Variants in NBAS observed in about 807,000 individuals in gnomAD.
NBAS encodes the protein NAG/BC035112 fusion.
NBAS carries 219 observed loss-of-function variants against 302.5 expected under a neutral mutation model. The ratio of observed to expected loss-of-function variants is 0.72; its 90% CI spans 0.65 to 0.81. The LOEUF (loss-of-function observed/expected upper bound fraction) is 0.81, where lower values mean the gene tolerates loss of function less well. Among genes scored for constraint, NBAS ranks in the 30% least tolerant of loss-of-function variants. The probability of loss-of-function intolerance (pLI) is 0.00; values close to 1 mark genes in which losing one functional copy is unlikely to be tolerated. For synonymous variants in NBAS, 1,118 were observed against 1,021.6 expected (o/e 1.09, Z -1.80); for missense variants, 2,932 against 2,841.6 (o/e 1.03, Z -0.72).
chr2:15,083,082 G>A, the NBAS span, among the ~76,000 whole-genome samples: 4 of 152,232 alleles, frequency 2.6e-5, no homozygotes, highest in Non-Finnish European at 4.4e-5. Flanking sequence ...TAGGAGGAAA[G>A]CAGCTATGTG....
intron 2 of NBAS, 131 bp downstream of exon 2, chr2:15,558,449 T>C: frequency 1.5e-6 from 1 of 662,636 alleles, no homozygotes; most frequent in Non-Finnish European, 2.6e-6. Flanking sequence ...CATATGTGTG[T>C]ATATATAAAT....
chr2:15,292,861 T>A (rs1670373999), intron 40 of NBAS, 95 bp from the exon 41 acceptor site: 2 of 1,212,806 alleles, frequency 1.6e-6, no homozygotes, highest in African/African-American at 3.0e-5. Flanking sequence ...TGCAAGGAAC[T>A]GTTTGGCCCT....
the NBAS span, among the ~76,000 whole-genome samples, chr2:15,010,468 AG>A: frequency 1.3e-5 from 2 of 152,074 alleles, no homozygotes; most frequent in African/African-American, 4.8e-5. Flanking sequence ...TATACCCCTT[AG>A]GTGTCAGGGA....
chr2:15,094,928 T>C, the NBAS span, among the ~76,000 whole-genome samples: 2 of 152,190 alleles, frequency 1.3e-5, no homozygotes, highest in Non-Finnish European at 2.9e-5. Context: ...TCTTTTTATA[T>C]TATATAACCC....
chr2:15,453,520 C>A (rs971725293), intron 21 of NBAS, among the ~76,000 whole-genome samples: 1 of 152,068 alleles, frequency 6.6e-6, no homozygotes, highest in Non-Finnish European at 1.5e-5. Context: ...CACTTTTTAG[C>A]CTTACTGATA....
chr2:15,156,710 G>T, the NBAS span, among the ~76,000 whole-genome samples: 1 of 152,140 alleles, frequency 6.6e-6, no homozygotes, highest in Admixed American at 6.5e-5. Flanking sequence ...GTTTTTAGGG[G>T]AGGGGGCACA....
the NBAS span, among the ~76,000 whole-genome samples, chr2:15,156,373 C>G: frequency 1.3e-5 from 2 of 152,176 alleles, no homozygotes; most frequent in African/African-American, 2.4e-5. Flanking sequence ...TTCTCTTTTC[C>G]TCTGTCTGTG....
At chr2:15,337,858 C>T (rs13387888) in intron 35 of NBAS, among the ~76,000 whole-genome samples, 5,651 of 152,272 alleles carry the variant, frequency 0.037, 348 homozygotes, top group African/African-American at 0.13. Context: ...TTAGGCAAAA[C>T]TTACCCCCGA....
At chr2:15,262,987 T>C (rs1219979697) in intron 44 of NBAS, among the ~76,000 whole-genome samples, 1 of 152,180 alleles carries the variant, frequency 6.6e-6, no homozygotes, top group East Asian at 1.9e-4. Flanking sequence ...CATGCCCACA[T>C]TGCAGTAATG....
At chr2:15,382,346 G>A (rs866131476) in intron 29 of NBAS, among the ~76,000 whole-genome samples, 35 of 152,204 alleles carry the variant, frequency 2.3e-4, no homozygotes, top group African/African-American at 8.4e-4. Context: ...TATGCACTAG[G>A]GGATATGAGA....
the NBAS span, among the ~76,000 whole-genome samples, chr2:14,779,303 C>T: frequency 2.0e-5 from 3 of 152,190 alleles, no homozygotes; most frequent in Non-Finnish European, 4.4e-5. Flanking sequence ...TAACAGGTAT[C>T]TTTGTTGCAG....
At chr2:15,403,840 T>C (rs1676269874) in intron 25 of NBAS, among the ~76,000 whole-genome samples, 1 of 151,752 alleles carries the variant, frequency 6.6e-6, no homozygotes, top group South Asian at 2.1e-4. Flanking sequence ...CAGCTACCTT[T>C]TCCTGATTTA....
chr2:14,793,206 G>A, the NBAS span, among the ~76,000 whole-genome samples: 1 of 152,028 alleles, frequency 6.6e-6, no homozygotes, highest in African/African-American at 2.4e-5. Flanking sequence ...TCAGCCTCCA[G>A]AACTGTGAGA....
chr2:15,441,334 A>T (rs1398276173), intron 21 of NBAS, among the ~76,000 whole-genome samples: 3 of 152,240 alleles, frequency 2.0e-5, no homozygotes, highest in African/African-American at 7.2e-5. Context: ...AAACCAGAAG[A>T]GAGTGGGGGC....
chr2:15,558,571 T>G lies in NBAS; in HGVS notation c.172+9A>C, dbSNP rs1027076728. The G allele has an allele frequency of 6.2e-7, 1 of 1,610,354 alleles. No individual in the cohort carries two copies. Among genetic ancestry groups the G allele is most frequent in the African/African-American group, 1.3e-5 (1 of 74,850 alleles). On this transcript the variant is annotated intron_variant, in intron 2 of 51. Transcript: ENST00000281513. The stretch of plus-strand genomic sequence containing the variant: ...ATATCATTACTGTAGAGAAATAAGC[T>G]ATATTTACCTCGAATTGCTTTCGTG...
chr2:15,556,586 G>A (rs1216236881), intron 3 of NBAS, among the ~76,000 whole-genome samples, 197 bp downstream of exon 3: 6 of 152,208 alleles, frequency 3.9e-5, no homozygotes, highest in African/African-American at 1.4e-4. Context: ...GTAACTAAGG[G>A]AACAAAAACT....
At chr2:15,077,690 C>A in the NBAS span, among the ~76,000 whole-genome samples, 1 of 134,896 alleles carries the variant, frequency 7.4e-6, no homozygotes, top group Non-Finnish European at 1.6e-5. Flanking sequence ...CTTTTTTTTT[C>A]TTTTTTTTTT....
the NBAS span, among the ~76,000 whole-genome samples, chr2:15,078,354 G>A: frequency 6.6e-6 from 1 of 152,132 alleles, no homozygotes; most frequent in Non-Finnish European, 1.5e-5. Flanking sequence ...TAGCACAACA[G>A]AGGTCTCCCT....
the NBAS span, among the ~76,000 whole-genome samples, chr2:15,156,728 C>T: frequency 2.6e-5 from 4 of 152,166 alleles, no homozygotes; most frequent in African/African-American, 7.2e-5. Flanking sequence ...ACAAAATCCT[C>T]CAGACCACAG....
Sources: allele counts gnomAD v4.1 joint callset (sites outside exome capture counted in the v4.1 genomes callset), GRCh38; gene constraint gnomAD v4.1.1; transcripts MANE v1.5; gene names NCBI Gene and HGNC (gene_info 2026-07-23, HGNC 2026-07-21).